ADAM23: variants seen among roughly 807,000 people sequenced by gnomAD.
ADAM23 encodes disintegrin and metalloproteinase domain-containing protein 23.
Under a neutral mutation model 120.1 loss-of-function variants are expected in ADAM23, and 33 were observed. The ratio of observed to expected loss-of-function variants is 0.27; its 90% CI spans 0.21 to 0.37. The LOEUF (loss-of-function observed/expected upper bound fraction) is 0.37, where lower values mean the gene tolerates loss of function less well. Among genes scored for constraint, ADAM23 ranks in the 10% least tolerant of loss-of-function variants. The pLI is 1.00. For synonymous variants in ADAM23, 367 were observed against 375.2 expected (o/e 0.98, Z 0.25); for missense variants, 862 against 1,058.2 (o/e 0.81, Z 2.57).
Position 206,530,817 on chromosome 2 carries a change from G to A in ADAM23, c.510-68G>A, listed in dbSNP as rs189925696. 3 of 1,413,268 alleles carry A rather than the reference G, an allele frequency of 2.1e-6. No homozygotes were observed. In the Admixed American group the frequency reaches 5.3e-5, roughly 25 times the overall value. 87.5% of individuals were successfully genotyped at this position (1,413,268 alleles called of 1,614,324 possible). On this transcript the variant is annotated intron_variant, in intron 3 of 25. Transcript: ENST00000264377. ...TGCATGCCCCTCACGTTCATTTATT[G>A]AGCCGATTGTTTTTAAACCTCCAAG...
chr2:206,563,850 C>G (rs1478551336), intron 13 of ADAM23, among the ~76,000 whole-genome samples: 1 of 151,898 alleles, frequency 6.6e-6, no homozygotes, highest in Non-Finnish European at 1.5e-5. Context: ...CTGCCTCAGC[C>G]TCCCGAGTAG....
chr2:206,569,418 A>G (rs1255239735), intron 15 of ADAM23, among the ~76,000 whole-genome samples: 1 of 152,220 alleles, frequency 6.6e-6, no homozygotes. Context: ...AATAGTTTAT[A>G]TGTATGTATC....
chr2:206,547,518 A>T lies in ADAM23; in HGVS notation c.793+17A>T, dbSNP rs752115115. 6.3e-7 allele frequency: 1 copy of T among 1,587,426 alleles called. No individual in the cohort carries two copies. On this transcript the variant is annotated intron_variant, in intron 7 of 25. Coordinates refer to ENST00000264377, the MANE Select transcript of ADAM23 (RefSeq NM_003812.4). ...AGAATCTCAGTAAGTTTTAACTAAA[A>T]ATAGCGATTATATTTTATGTAGTAT... is the stretch of plus-strand genomic sequence containing the variant.
chr2:206,543,507 G>T (rs1697334714), intron 6 of ADAM23, among the ~76,000 whole-genome samples, 191 bp downstream of exon 6: 1 of 152,150 alleles, frequency 6.6e-6, no homozygotes. Context: ...GTAAAGGATA[G>T]TAAAAGACAT....
chr2:206,572,456 A>G (rs1698022217), intron 17 of ADAM23, among the ~76,000 whole-genome samples: 1 of 152,138 alleles, frequency 6.6e-6, no homozygotes, highest in Non-Finnish European at 1.5e-5. Context: ...ACATAATTTT[A>G]TGATTTTGTT....
intron 9 of ADAM23, among the ~76,000 whole-genome samples, chr2:206,557,037 A>T (rs1559262893): frequency 6.6e-6 from 1 of 152,184 alleles, no homozygotes; most frequent in Non-Finnish European, 1.5e-5. Context: ...AAAGCTTCTC[A>T]TATCGATTTC....
chr2:206,582,021 G>C (rs1454192682), intron 18 of ADAM23, among the ~76,000 whole-genome samples: 3 of 152,142 alleles, frequency 2.0e-5, no homozygotes, highest in Non-Finnish European at 4.4e-5. Context: ...GGGATTACAG[G>C]CAGGTGCCAC....
intron 18 of ADAM23, among the ~76,000 whole-genome samples, chr2:206,573,835 CA>C (rs1485346814): frequency 6.7e-6 from 1 of 149,186 alleles, no homozygotes; most frequent in East Asian, 2.0e-4. Context: ...TTTTAAGAAA[CA>C]TCAGAAGCAG....
chr2:206,490,980 A>G (rs1175139496), intron 3 of ADAM23, among the ~76,000 whole-genome samples: 2 of 152,196 alleles, frequency 1.3e-5, no homozygotes, highest in Non-Finnish European at 1.5e-5. Flanking sequence ...TGTCTATGCA[A>G]CCTACTTTCA....
Position 206,588,161 on chromosome 2 carries a change from C to G in ADAM23, c.1852+7C>G. On this transcript the variant is annotated splice_region_variant and intron_variant, in intron 20 of 25. Coordinates refer to ENST00000264377, the MANE Select transcript of ADAM23 (RefSeq NM_003812.4). ...CAGTACATCTGGGGAACAAGTAGGT[C>G]GCACCTCCTTGCTTGGCGGTTACAC... 1 of 1,613,762 alleles carries G rather than the reference C, an allele frequency of 6.2e-7. No homozygotes were observed. Among genetic ancestry groups the G allele is most frequent in the Non-Finnish European group, 8.5e-7 (1 of 1,179,816 alleles).
chr2:206,545,538 G>A (rs1362581754), intron 6 of ADAM23, among the ~76,000 whole-genome samples: 1 of 152,010 alleles, frequency 6.6e-6, no homozygotes, highest in Non-Finnish European at 1.5e-5. Flanking sequence ...AGTTAGATAG[G>A]CTACTGATAA....
intron 2 of ADAM23, among the ~76,000 whole-genome samples, chr2:206,459,672 A>T (rs535176994): frequency 6.6e-6 from 1 of 152,260 alleles, no homozygotes; most frequent in South Asian, 2.1e-4. Context: ...CTCCACTTGG[A>T]TGTCTTATAG....
In ADAM23 at chr2:206,594,882, G is replaced by A; in HGVS notation, c.2224G>A (p.Gly742Ser). The change falls in exon 23 of 26, where the codon GGT becomes AGT. Residue 742 changes from glycine to serine, a missense_variant. Gly to Ser is a moderately conservative substitution (Grantham distance 56, BLOSUM62 0). Transcript: ENST00000264377. ...GAGCAGCTGTCCACTCGATTCCAAG[G>A]GTAAAGTCTGTTCGGGCCATGGGGT... ...NMSSCPLDSK[G>S]KVCSGHGVCS... 1.2e-6 allele frequency: 2 copies of A among 1,613,998 alleles called. No homozygotes were observed. The highest frequency in any genetic ancestry group is 1.1e-5 in the South Asian group (1 of 91,066).
intron 3 of ADAM23, among the ~76,000 whole-genome samples, chr2:206,493,025 G>T (rs1374114846): frequency 6.6e-6 from 1 of 151,988 alleles, no homozygotes; most frequent in Non-Finnish European, 1.5e-5. Context: ...TTTTCCTCTT[G>T]GTTCTCCATA....
In ADAM23 at chr2:206,443,737, G is replaced by C. The variant is rs1695008052; in HGVS notation, c.-130G>C. 1 of 307,660 alleles carries C rather than the reference G, an allele frequency of 3.3e-6. No homozygotes were observed. Among genetic ancestry groups the C allele is most frequent in the Admixed American group, 6.6e-5 (1 of 15,106 alleles). The allele number at this position is 307,660 out of a possible 1,614,324, so 19.1% of individuals were successfully genotyped here. A position where few individuals can be genotyped will look rare whatever the true frequency, so the allele number is the denominator to read the frequency against. ...CCGAGCCCCGCGCCCCGTGCCCCGA[G>C]CCCGGAGCCCCCTGCCCGCCGCGGC... On this transcript the variant is annotated 5_prime_UTR_variant, in exon 1 of 26. Transcript: ENST00000264377.
Position 206,559,432 on chromosome 2 carries a change from G to A in ADAM23, c.1006-523G>A, listed in dbSNP as rs989363101. Among the ~76,000 whole-genome samples, 12 of 152,162 alleles carry A rather than the reference G, an allele frequency of 7.9e-5. No homozygotes were observed. In the South Asian group the frequency reaches 1.0e-3, roughly 13 times the overall value. On this transcript the variant is annotated intron_variant, in intron 10 of 25. Transcript: ENST00000264377. ...AGTGATAGGGATCTGCTCTTTTTTA[G>A]CCTCAGATCCTTGAGTCTCTCTCTC...
At chr2:206,593,904 C>T (rs1347271887) in intron 22 of ADAM23, among the ~76,000 whole-genome samples, 1 of 151,574 alleles carries the variant, frequency 6.6e-6, no homozygotes. Context: ...CTGTCATTGA[C>T]TGAAATTTTT....
intron 13 of ADAM23, among the ~76,000 whole-genome samples, chr2:206,562,869 G>T (rs1697795808): frequency 6.6e-6 from 1 of 152,180 alleles, no homozygotes; most frequent in Non-Finnish European, 1.5e-5. Flanking sequence ...AACCAATAGG[G>T]CCACACATCC....
chr2:206,617,624 C>G lies in ADAM23; in HGVS notation c.2496C>G (p.Ile832Met). The change falls in exon 26 of 26, where the codon ATC becomes ATG. Residue 832 changes from isoleucine (I) to methionine (M), a missense_variant. Around this residue, in one of 4 missense-constraint regions of ADAM23, gnomAD observed 16 missense variants for 17.6 expected, o/e 0.91. Transcript: ENST00000264377. ...TCGATCCTACTCAGCAAGGCCCCAT[C>G]TGAATCAGCTGCGCTGGATGGACAC... ...RRFDPTQQGP[I>M] 6.2e-7 allele frequency: 1 copy of G among 1,613,314 alleles called. No individual in the cohort carries two copies. The highest frequency in any genetic ancestry group is 1.1e-5 in the South Asian group (1 of 90,776).
Sources: allele counts gnomAD v4.1 joint callset (sites outside exome capture counted in the v4.1 genomes callset), GRCh38; gene constraint gnomAD v4.1.1; regional missense constraint gnomAD v4.1.1; transcripts MANE v1.5; gene names NCBI Gene and HGNC (gene_info 2026-07-23, HGNC 2026-07-21).